Variants in PLA2G4A observed in about 807,000 individuals in gnomAD.
The protein encoded by PLA2G4A is cytosolic phospholipase A2.
PLA2G4A carries 40 observed loss-of-function variants against 81.9 expected under a neutral mutation model. The ratio of observed to expected loss-of-function variants is 0.49; its 90% CI spans 0.38 to 0.64. The LOEUF (loss-of-function observed/expected upper bound fraction) is 0.64. PLA2G4A is among the 30% of genes least tolerant of loss of function. The pLI is 0.00. For missense variants in PLA2G4A, 715 were observed against 905.1 expected (o/e 0.79, Z 2.69); for synonymous variants, 302 against 296.9 (o/e 1.02, Z -0.18).
intron 12 of PLA2G4A, among the ~76,000 whole-genome samples, chr1:186,949,196 A>G (rs1277890426): frequency 1.3e-5 from 2 of 151,908 alleles, no homozygotes; most frequent in Non-Finnish European, 2.9e-5. Flanking sequence ...CTTCCTTACA[A>G]ATAAGACAGT....
chr1:186,870,330 T>C, intron 2 of PLA2G4A, 105 bp from the exon 3 acceptor site: 1 of 728,862 alleles, frequency 1.4e-6, no homozygotes, highest in Non-Finnish European at 2.5e-6. Flanking sequence ...GTTTCTGGTA[T>C]GCATGCTACT....
At chr1:186,859,450 A>G (rs1200938432) in intron 2 of PLA2G4A, among the ~76,000 whole-genome samples, 7 of 152,238 alleles carry the variant, frequency 4.6e-5, no homozygotes, top group Middle Eastern at 3.4e-3. Context: ...AACATTTTCC[A>G]TCTTTTTACT....
At chr1:186,903,117 CTT>C (rs986084392) in intron 5 of PLA2G4A, among the ~76,000 whole-genome samples, 6 of 151,962 alleles carry the variant, frequency 3.9e-5, no homozygotes, top group African/African-American at 1.5e-4. Context: ...TTAAAAATGA[CTT>C]TATTTATTAT....
intron 7 of PLA2G4A, among the ~76,000 whole-genome samples, chr1:186,929,240 A>G (rs766204759): frequency 3.5e-4 from 53 of 152,212 alleles, no homozygotes; most frequent in Non-Finnish European, 6.6e-4. Flanking sequence ...CTTATTAGCT[A>G]TCTATCTATG....
chr1:186,946,488 TA>T, intron 10 of PLA2G4A, 148 bp from the exon 11 acceptor site: 2 of 688,844 alleles, frequency 2.9e-6, no homozygotes, highest in East Asian at 5.4e-5. Context: ...GTCATATACA[TA>T]ATGGGCATTT....
chr1:186,970,744 C>T (rs1190252911), intron 15 of PLA2G4A, among the ~76,000 whole-genome samples: 1 of 151,984 alleles, frequency 6.6e-6, no homozygotes, highest in Non-Finnish European at 1.5e-5. Context: ...TCTGGGTTCT[C>T]TATTCTGTTT....
rs201112459 is a variant in PLA2G4A, at chr1:186,946,856, T to C, written c.1172-13T>C. On this transcript the variant is annotated splice_polypyrimidine_tract_variant and intron_variant, in intron 11 of 17. Transcript: ENST00000367466. Reference sequence around the variant, plus strand: ...GATATTTTAAGTTATTTTCTGTTTCTGTTTTATTTTAGGTGTCTGGGGCAG... The same window carrying C: ...GATATTTTAAGTTATTTTCTGTTTCCGTTTTATTTTAGGTGTCTGGGGCAG... 1.2e-6 allele frequency: 2 copies of C among 1,606,334 alleles called. No homozygotes were observed. The highest frequency in any genetic ancestry group is 1.7e-4 in the Middle Eastern group (1 of 6,042).
chr1:186,914,578 C>G (rs1436206630), intron 7 of PLA2G4A, among the ~76,000 whole-genome samples: 2 of 152,188 alleles, frequency 1.3e-5, no homozygotes, highest in East Asian at 1.9e-4. Flanking sequence ...GGGTACATGA[C>G]TGGGGGCTGC....
At chr1:186,911,199 C>A (rs374136848) in intron 6 of PLA2G4A, 49 bp from the exon 7 acceptor site, 7 of 1,577,422 alleles carry the variant, frequency 4.4e-6, no homozygotes, top group Non-Finnish European at 5.2e-6. Context: ...GATGGAAAAC[C>A]AGACCACTGG....
chr1:186,986,007 G>A (rs764654455), intron 17 of PLA2G4A, among the ~76,000 whole-genome samples: 2 of 152,162 alleles, frequency 1.3e-5, no homozygotes, highest in African/African-American at 4.8e-5. Flanking sequence ...TTCTATCACA[G>A]AACTGTAACT....
chr1:186,832,776 T>C (rs1196013329), intron 1 of PLA2G4A, among the ~76,000 whole-genome samples: 1 of 152,216 alleles, frequency 6.6e-6, no homozygotes, highest in Non-Finnish European at 1.5e-5. Flanking sequence ...TACATAATCA[T>C]AGCACTTTTG....
intron 13 of PLA2G4A, among the ~76,000 whole-genome samples, chr1:186,954,296 T>C (rs1374411937): frequency 6.6e-6 from 1 of 152,142 alleles, no homozygotes; most frequent in East Asian, 1.9e-4. Context: ...TGCAGGAACA[T>C]GCATGAAGCT....
At chr1:186,862,757 C>T (rs552299154) in intron 2 of PLA2G4A, among the ~76,000 whole-genome samples, 1 of 152,146 alleles carries the variant, frequency 6.6e-6, no homozygotes, top group Admixed American at 6.5e-5. Context: ...TATGACTTCC[C>T]CAAAGCGCCA....
intron 8 of PLA2G4A, among the ~76,000 whole-genome samples, chr1:186,935,697 A>G (rs1364041433): frequency 1.3e-5 from 2 of 151,980 alleles, no homozygotes; most frequent in Non-Finnish European, 2.9e-5. Flanking sequence ...AGTACAGGTG[A>G]GAAGGTAAAA....
chr1:186,842,452 G>A (rs943353672), intron 1 of PLA2G4A, among the ~76,000 whole-genome samples: 1 of 152,096 alleles, frequency 6.6e-6, no homozygotes, highest in African/African-American at 2.4e-5. Context: ...TTTAACTGCT[G>A]TGTTTATGTC....
At position 186,959,317 on chromosome 1, in the gene PLA2G4A, T is replaced by C. The variant is rs537969453; in HGVS notation, c.1579+2973T>C. 6.2e-5 allele frequency among the ~76,000 whole-genome samples: 9 copies of C among 146,018 alleles called. No homozygotes were observed. The South Asian group carries it at 1.6e-3, about 26-fold the overall frequency. On this transcript the variant is annotated intron_variant, in intron 14 of 17. Transcript: ENST00000367466. ...TTAGTGCCCTTTGAAAGAAGAGTTA[T>C]AGGCAGTTTTCATAAAATAACATAA...
intron 1 of PLA2G4A, among the ~76,000 whole-genome samples, chr1:186,853,113 G>A (rs536089618): frequency 6.6e-6 from 1 of 151,740 alleles, no homozygotes; most frequent in Non-Finnish European, 1.5e-5. Context: ...GAAGAACGGG[G>A]GGAATCCTTA....
chr1:186,851,658 T>C (rs1359941235), intron 1 of PLA2G4A, among the ~76,000 whole-genome samples: 1 of 152,002 alleles, frequency 6.6e-6, no homozygotes, highest in East Asian at 1.9e-4. Flanking sequence ...ATCGTAAGGA[T>C]TATATCACTC....
At chr1:186,916,725 A>G (rs577918571) in intron 7 of PLA2G4A, among the ~76,000 whole-genome samples, 1 of 152,284 alleles carries the variant, frequency 6.6e-6, no homozygotes, top group South Asian at 2.1e-4. Flanking sequence ...ACTGAGTGTC[A>G]TTATATAAAC....
Sources: allele counts gnomAD v4.1 joint callset (sites outside exome capture counted in the v4.1 genomes callset), GRCh38; gene constraint gnomAD v4.1.1; transcripts MANE v1.5; gene names NCBI Gene and HGNC (gene_info 2026-07-23, HGNC 2026-07-21).